Variants in MACROD2 observed in about 807,000 individuals in gnomAD.
The protein encoded by MACROD2 is ADP-ribose glycohydrolase MACROD2.
MACROD2 carries 36 observed loss-of-function variants against 70.4 expected under a neutral mutation model. The observed-to-expected ratio is 0.51, with a 90% CI of 0.39 to 0.68. The LOEUF is 0.68. Among genes scored for constraint, MACROD2 ranks in the 30% least tolerant of loss-of-function variants. The pLI is 0.00. For synonymous variants in MACROD2, 172 were observed against 178.8 expected (o/e 0.96, Z 0.30); for missense variants, 496 against 538.4 (o/e 0.92, Z 0.78).
chr20:15,215,220 G>A (rs1466078222), intron 5 of MACROD2, among the ~76,000 whole-genome samples: 1 of 148,544 alleles, frequency 6.7e-6, no homozygotes, highest in East Asian at 2.0e-4. Context: ...TGAAAATATT[G>A]AATATTTTTT....
In MACROD2 at chr20:14,413,639, A is replaced by G. The variant is rs2083772710; in HGVS notation, c.272-79840A>G. ...AAACTACAAAAGCAATGGCATTCAA[A>G]TTAATGACACAAGTTTCATGTGGCA... On this transcript the variant is annotated intron_variant, in intron 3 of 17. Coordinates refer to ENST00000684519, the MANE Select transcript of MACROD2 (RefSeq NM_001351661.2). Among the ~76,000 whole-genome samples the G allele has an allele frequency of 2.6e-5, 4 of 152,324 alleles. 1 individual carries two copies. Among genetic ancestry groups the G allele is most frequent in the Middle Eastern group, 3.4e-3 (1 of 294 alleles).
chr20:14,739,216 A>C (rs941949285), intron 5 of MACROD2, among the ~76,000 whole-genome samples: 1 of 152,066 alleles, frequency 6.6e-6, no homozygotes, highest in African/African-American at 2.4e-5. Flanking sequence ...TTCTAGTATG[A>C]GAAATTATGA....
At chr20:15,357,968 G>A (rs1299273131) in intron 6 of MACROD2, among the ~76,000 whole-genome samples, 1 of 151,912 alleles carries the variant, frequency 6.6e-6, no homozygotes, top group African/African-American at 2.4e-5. Flanking sequence ...CACCACGCCC[G>A]GCTAATTTTT....
At chr20:15,571,581 T>C (rs1172841948) in intron 8 of MACROD2, among the ~76,000 whole-genome samples, 4 of 152,116 alleles carry the variant, frequency 2.6e-5, no homozygotes, top group Non-Finnish European at 5.9e-5. Context: ...TAGATCCTCA[T>C]ACTGGTGAAA....
chr20:14,396,989 C>CTTTTTTTTTTTT (rs372145747), intron 3 of MACROD2, among the ~76,000 whole-genome samples: 1 of 97,002 alleles, frequency 1.0e-5, no homozygotes, highest in Non-Finnish European at 1.8e-5. Context: ...AGACCATTTA[C>CTTTTTTTTTTTT]TTTTTTTTTT....
intron 5 of MACROD2, among the ~76,000 whole-genome samples, chr20:14,724,812 G>A: frequency 6.6e-6 from 1 of 152,178 alleles, no homozygotes; most frequent in South Asian, 2.1e-4. Flanking sequence ...AGGAGATGGG[G>A]TTTTATTTGA....
intron 6 of MACROD2, among the ~76,000 whole-genome samples, chr20:15,307,367 T>G (rs1260644419): frequency 6.6e-6 from 1 of 152,188 alleles, no homozygotes; most frequent in African/African-American, 2.4e-5. Flanking sequence ...TTGAAATAAT[T>G]TCAGAATTAC....
At chr20:16,014,198 C>T (rs965666100) in intron 15 of MACROD2, among the ~76,000 whole-genome samples, 1 of 152,168 alleles carries the variant, frequency 6.6e-6, no homozygotes, top group African/African-American at 2.4e-5. Flanking sequence ...AGCAACATGC[C>T]TTGTCTTCAA....
chr20:14,802,482 A>C (rs747629413), intron 5 of MACROD2, among the ~76,000 whole-genome samples: 1 of 151,626 alleles, frequency 6.6e-6, no homozygotes, highest in Admixed American at 6.6e-5. Context: ...CTTAGCACAC[A>C]CTGTTGATAC....
intron 5 of MACROD2, among the ~76,000 whole-genome samples, chr20:14,987,802 T>A (rs190564147): frequency 5.6e-4 from 85 of 152,222 alleles, no homozygotes; most frequent in Admixed American, 1.4e-3. Flanking sequence ...GTTATAGAGG[T>A]CTTCAGAACG....
chr20:14,204,599 T>C (rs1466240083), intron 3 of MACROD2, among the ~76,000 whole-genome samples: 2 of 152,216 alleles, frequency 1.3e-5, no homozygotes, highest in Admixed American at 6.5e-5. Flanking sequence ...GCAATGGGAA[T>C]GTGGACTGCT....
intron 8 of MACROD2, among the ~76,000 whole-genome samples, chr20:15,683,701 C>T (rs538941875): frequency 5.3e-5 from 8 of 152,224 alleles, no homozygotes; most frequent in African/African-American, 1.9e-4. Context: ...GCCTTAGCCT[C>T]CTGAGTAGCT....
intron 15 of MACROD2, among the ~76,000 whole-genome samples, chr20:16,036,451 GT>G (rs2067237987): frequency 2.0e-5 from 3 of 151,942 alleles, no homozygotes. Context: ...GAGCAGTACA[GT>G]TGCAGTTGTT....
chr20:14,157,611 A>T (rs2055121567), intron 3 of MACROD2, among the ~76,000 whole-genome samples: 1 of 152,058 alleles, frequency 6.6e-6, no homozygotes, highest in Non-Finnish European at 1.5e-5. Context: ...CCTTCATGAG[A>T]TAAACTTCAT....
chr20:15,746,587 C>T (rs937018235), intron 8 of MACROD2, among the ~76,000 whole-genome samples: 21 of 130,808 alleles, frequency 1.6e-4, no homozygotes, highest in African/African-American at 2.3e-4. Context: ...AAAAAAGAAA[C>T]GGTGAAACTT....
At chr20:14,438,148 A>G (rs902821864) in intron 3 of MACROD2, among the ~76,000 whole-genome samples, 4 of 152,190 alleles carry the variant, frequency 2.6e-5, no homozygotes, top group African/African-American at 9.7e-5. Flanking sequence ...GATTCCACAT[A>G]TAAGTAAGAT....
chr20:15,199,758 C>T (rs530118182), intron 5 of MACROD2, among the ~76,000 whole-genome samples: 1 of 152,090 alleles, frequency 6.6e-6, no homozygotes, highest in Non-Finnish European at 1.5e-5. Context: ...ATTATTTTAC[C>T]TCTGTTTCTG....
intron 8 of MACROD2, among the ~76,000 whole-genome samples, chr20:15,579,360 T>A (rs1027753072): frequency 2.6e-5 from 4 of 152,336 alleles, no homozygotes; most frequent in South Asian, 2.1e-4. Context: ...ATGACCTTTT[T>A]TTGGGTAGTG....
At chr20:15,252,939 C>T (rs1487320992) in intron 6 of MACROD2, among the ~76,000 whole-genome samples, 3 of 152,206 alleles carry the variant, frequency 2.0e-5, no homozygotes, top group Admixed American at 1.3e-4. Flanking sequence ...CCCCTTGACT[C>T]TGTAGGTCCA....
Sources: allele counts gnomAD v4.1 joint callset (sites outside exome capture counted in the v4.1 genomes callset), GRCh38; gene constraint gnomAD v4.1.1; transcripts MANE v1.5; gene names NCBI Gene and HGNC (gene_info 2026-07-23, HGNC 2026-07-21).